DPH6: variants seen among roughly 807,000 people sequenced by gnomAD.
The protein encoded by DPH6 is diphthamine biosynthesis 6.
A neutral mutation model predicts 38.2 loss-of-function variants in DPH6; 33 were observed. The observed-to-expected ratio is 0.86, with a 90% CI of 0.65 to 1.15. The LOEUF is 1.15. Ranked by LOEUF, DPH6 falls within the 50% of genes most tolerant of loss-of-function variation. DPH6 has a pLI of 0.00. For synonymous variants in DPH6, 108 were observed against 103.0 expected (o/e 1.05, Z -0.30); for missense variants, 325 against 320.0 (o/e 1.02, Z -0.12).
At chr15:35,356,054 C>T (rs1399807238) in intron 3 of DPH6, among the ~76,000 whole-genome samples, 2 of 152,074 alleles carry the variant, frequency 1.3e-5, no homozygotes, top group Non-Finnish European at 2.9e-5. Flanking sequence ...TCATTGATAC[C>T]CTTTCTTCCA....
At chr15:35,279,722 A>T (rs1052362131) in intron 3 of DPH6, among the ~76,000 whole-genome samples, 2 of 152,130 alleles carry the variant, frequency 1.3e-5, no homozygotes, top group Non-Finnish European at 2.9e-5. Flanking sequence ...CTTCCTGTGC[A>T]GCCTGCAGAA....
chr15:35,456,631 G>T lies in DPH6; in HGVS notation c.313-1811C>A, dbSNP rs566671436. 4.0e-3 allele frequency among the ~76,000 whole-genome samples: 600 copies of T among 151,414 alleles called. 1 individual carries two copies. Among genetic ancestry groups the T allele is most frequent in the African/African-American group, 0.014 (584 of 41,302 alleles). On this transcript the variant is annotated intron_variant, in intron 3 of 8. Coordinates refer to ENST00000256538, the MANE Select transcript of DPH6 (RefSeq NM_080650.4). The stretch of plus-strand genomic sequence containing the variant: ...GCCTCCCGACTAGCTGGGACTACAG[G>T]TGTGTGCCACCACGCCCAGCTAAGT...
At chr15:35,281,987 A>T (rs920307946) in intron 3 of DPH6, among the ~76,000 whole-genome samples, 5 of 152,198 alleles carry the variant, frequency 3.3e-5, no homozygotes, top group African/African-American at 1.2e-4. Context: ...TCTCACCAAG[A>T]TGCTTCATAG....
At chr15:35,284,908 G>C (rs1241720740) in intron 3 of DPH6, among the ~76,000 whole-genome samples, 2 of 148,912 alleles carry the variant, frequency 1.3e-5, no homozygotes, top group Non-Finnish European at 3.0e-5. Context: ...GAACTCCTGG[G>C]CTCAAGCAAT....
At chr15:35,340,749 G>C (rs564058931) in intron 3 of DPH6, among the ~76,000 whole-genome samples, 1 of 152,178 alleles carries the variant, frequency 6.6e-6, no homozygotes, top group African/African-American at 2.4e-5. Flanking sequence ...GAGGTCTGCT[G>C]TTAGTTTGAT....
intron 3 of DPH6, among the ~76,000 whole-genome samples, chr15:35,286,460 C>G (rs1262100497): frequency 2.0e-5 from 3 of 152,214 alleles, no homozygotes; most frequent in Non-Finnish European, 4.4e-5. Context: ...GAAATAAACT[C>G]TTGCACAGCA....
At chr15:35,173,714 A>T in the DPH6 span, among the ~76,000 whole-genome samples, 1 of 152,270 alleles carries the variant, frequency 6.6e-6, no homozygotes, top group East Asian at 1.9e-4. Context: ...GCCATGTCGA[A>T]TTAACAGCAA....
intron 6 of DPH6, among the ~76,000 whole-genome samples, chr15:35,389,575 G>T (rs1250117316): frequency 6.6e-6 from 1 of 152,182 alleles, no homozygotes; most frequent in African/African-American, 2.4e-5. Context: ...TTGTTGAATT[G>T]ATCTGTTTAC....
chr15:35,402,083 C>T (rs1278494141), intron 6 of DPH6, among the ~76,000 whole-genome samples: 3 of 152,270 alleles, frequency 2.0e-5, no homozygotes, highest in African/African-American at 7.2e-5. Context: ...GTCTAATTGT[C>T]ACGCTGAATA....
At position 35,240,556 on chromosome 15, in the gene DPH6, T is replaced by C. The variant is rs1475633048; in HGVS notation, n.201-19974A>G. 2.1e-5 allele frequency among the ~76,000 whole-genome samples: 3 copies of C among 143,528 alleles called. No individual in the cohort carries two copies. In the East Asian group the frequency reaches 6.5e-4, roughly 31 times the overall value. The allele number at this position is 143,528 out of a possible 152,430, so 94.2% of individuals were successfully genotyped here. A position where few individuals can be genotyped will look rare whatever the true frequency, so the allele number is the denominator to read the frequency against. On this transcript the variant is annotated intron_variant and non_coding_transcript_variant, in intron 3 of 3. Transcript: ENST00000560386. Reference sequence around the variant, plus strand: ...CCTCACACCTGGTCTGGCTTACAGTTTCATTCTGTGACTAGCCCTCCCCCA... The same window carrying C: ...CCTCACACCTGGTCTGGCTTACAGTCTCATTCTGTGACTAGCCCTCCCCCA...
chr15:35,406,527 G>C (rs564701415), intron 6 of DPH6, among the ~76,000 whole-genome samples: 6 of 152,124 alleles, frequency 3.9e-5, no homozygotes, highest in Admixed American at 2.0e-4. Context: ...CTAGATGACT[G>C]CTGCAATAAT....
chr15:35,474,414 C>T (rs1389106580), intron 3 of DPH6, among the ~76,000 whole-genome samples: 1 of 152,098 alleles, frequency 6.6e-6, no homozygotes, highest in East Asian at 1.9e-4. Flanking sequence ...ATTCTTCACT[C>T]TTTTTTGCCC....
chr15:35,390,005 C>A (rs1032729303), intron 6 of DPH6, among the ~76,000 whole-genome samples: 9 of 152,068 alleles, frequency 5.9e-5, no homozygotes, highest in Non-Finnish European at 1.3e-4. Context: ...ATATTTAGTG[C>A]TTCCTTCAGG....
intron 7 of DPH6, among the ~76,000 whole-genome samples, chr15:35,379,280 G>A (rs185344433): frequency 2.0e-5 from 3 of 152,096 alleles, no homozygotes; most frequent in African/African-American, 7.2e-5. Context: ...ATTTTTTCTC[G>A]CCTTAGAGGT....
At chr15:35,362,094 T>TC (rs1277901387) in intron 3 of DPH6, among the ~76,000 whole-genome samples, 1 of 152,150 alleles carries the variant, frequency 6.6e-6, no homozygotes, top group East Asian at 1.9e-4. Context: ...GGGAAGACCT[T>TC]CACCAGTCAA....
chr15:35,484,896 ACTATT>A (rs1206226747), intron 3 of DPH6, among the ~76,000 whole-genome samples: 2 of 152,224 alleles, frequency 1.3e-5, no homozygotes, highest in Non-Finnish European at 2.9e-5. Context: ...AAGAGAAAAT[ACTATT>A]CTATTTGCAG....
chr15:35,436,330 G>A (rs1555401647), intron 5 of DPH6, among the ~76,000 whole-genome samples: 2 of 151,600 alleles, frequency 1.3e-5, no homozygotes, highest in Non-Finnish European at 2.9e-5. Context: ...GCTGGGCGTG[G>A]TGGTGGGCGC....
At chr15:35,476,251 C>T (rs889681533) in intron 3 of DPH6, among the ~76,000 whole-genome samples, 3 of 151,726 alleles carry the variant, frequency 2.0e-5, no homozygotes, top group African/African-American at 7.3e-5. Context: ...GATCTCAGTT[C>T]CCTCATTAGT....
the DPH6 span, among the ~76,000 whole-genome samples, chr15:35,198,611 C>T: frequency 6.6e-6 from 1 of 152,118 alleles, no homozygotes; most frequent in African/African-American, 2.4e-5. Context: ...CTATTCTTTC[C>T]TTTAAAAGCA....
Sources: gnomAD v4.1 joint callset for allele counts (sites outside exome capture counted in the v4.1 genomes callset) on GRCh38, gnomAD v4.1.1 for gene constraint, MANE v1.5 for transcripts, NCBI Gene and HGNC (gene_info 2026-07-23, HGNC 2026-07-21) for gene names.